LRRC4C: variants seen among roughly 807,000 people sequenced by gnomAD.
LRRC4C encodes the protein leucine rich repeat containing 4C.
LRRC4C carries 5 observed loss-of-function variants against 33.6 expected under a neutral mutation model. The ratio of observed to expected loss-of-function variants is 0.15; its 90% CI spans 0.08 to 0.31. The LOEUF is 0.31. Among genes scored for constraint, LRRC4C ranks in the 10% least tolerant of loss-of-function variants. LRRC4C has a pLI of 1.00. For synonymous variants in LRRC4C, 329 were observed against 302.0 expected, an observed-to-expected ratio of 1.09 and a Z score of -0.93; for missense variants, 560 against 796.7, an observed-to-expected ratio of 0.70 and a Z score of 3.58.
At chr11:40,990,126 A>C (rs1853408079) in intron 1 of LRRC4C, among the ~76,000 whole-genome samples, 1 of 150,228 alleles carries the variant, frequency 6.7e-6, no homozygotes. Context: ...TGTAATTTCT[A>C]GCTAGTCCAA....
At chr11:40,433,491 T>A (rs1951018098) in intron 3 of LRRC4C, among the ~76,000 whole-genome samples, 1 of 152,014 alleles carries the variant, frequency 6.6e-6, no homozygotes, top group Admixed American at 6.6e-5. Flanking sequence ...AATCTTAACT[T>A]TTTGATTTCC....
chr11:41,049,111 C>A (rs1858015403), intron 1 of LRRC4C, among the ~76,000 whole-genome samples: 2 of 152,112 alleles, frequency 1.3e-5, no homozygotes, highest in African/African-American at 2.4e-5. Context: ...ACCCAAATCT[C>A]ATCTTGAGTT....
At chr11:40,539,573 CA>C (rs1235426563) in intron 3 of LRRC4C, among the ~76,000 whole-genome samples, 2 of 151,642 alleles carry the variant, frequency 1.3e-5, no homozygotes, top group African/African-American at 2.4e-5. Context: ...TATACAAATT[CA>C]AAAGTACAAA....
intron 1 of LRRC4C, among the ~76,000 whole-genome samples, chr11:41,332,141 A>G (rs770440125): frequency 5.9e-5 from 9 of 152,138 alleles, no homozygotes; most frequent in Admixed American, 2.0e-4. Context: ...CTTAGTAAAT[A>G]TTTATTGAAT....
At chr11:40,191,378 T>C (rs567905451) in intron 5 of LRRC4C, among the ~76,000 whole-genome samples, 1 of 152,376 alleles carries the variant, frequency 6.6e-6, no homozygotes, top group South Asian at 2.1e-4. Flanking sequence ...CACACATTTA[T>C]CCTGCACTCT....
intron 6 of LRRC4C, among the ~76,000 whole-genome samples, chr11:40,131,788 C>G (rs1371014066): frequency 6.6e-6 from 1 of 152,120 alleles, no homozygotes; most frequent in African/African-American, 2.4e-5. Flanking sequence ...GCACTGATGA[C>G]AGTTAAAGTC....
intron 1 of LRRC4C, among the ~76,000 whole-genome samples, chr11:41,070,882 T>C (rs1488385551): frequency 6.6e-6 from 1 of 152,090 alleles, no homozygotes; most frequent in Admixed American, 6.5e-5. Context: ...TACCATTTGA[T>C]CCAGCAACCC....
chr11:41,280,525 T>C (rs1218525965), intron 1 of LRRC4C, among the ~76,000 whole-genome samples: 2 of 152,258 alleles, frequency 1.3e-5, no homozygotes, highest in Admixed American at 6.5e-5. Context: ...GCCCTGTGCC[T>C]GATGAAATAA....
intron 2 of LRRC4C, among the ~76,000 whole-genome samples, chr11:40,653,131 G>A (rs1293769619): frequency 6.6e-6 from 1 of 152,180 alleles, no homozygotes; most frequent in Non-Finnish European, 1.5e-5. Flanking sequence ...GTTCTTCATA[G>A]CAGGCTGAGA....
chr11:41,312,143 A>T (rs1650316460), intron 1 of LRRC4C, among the ~76,000 whole-genome samples: 1 of 152,098 alleles, frequency 6.6e-6, no homozygotes, highest in African/African-American at 2.4e-5. Context: ...GGAGAAAGAA[A>T]CCAGGAATTA....
At chr11:40,944,809 C>T (rs569123176) in intron 1 of LRRC4C, among the ~76,000 whole-genome samples, 3 of 152,258 alleles carry the variant, frequency 2.0e-5, no homozygotes, top group South Asian at 4.1e-4. Context: ...CATCTTGGCC[C>T]ATATATTAGC....
In LRRC4C at chr11:40,692,087, C is replaced by T. The variant is rs144971548; in HGVS notation, c.-406-43809G>A. On this transcript the variant is annotated intron_variant, in intron 2 of 6. Transcript: ENST00000528697. ...GAGTTTCCATGCAGGTGAGTTACAA[C>T]TTAATCCTCCCCATCTCATAAACCA... Among the ~76,000 whole-genome samples, 12 of 152,132 alleles carry T rather than the reference C, an allele frequency of 7.9e-5. No homozygotes were observed. The East Asian group carries it at 2.3e-3, about 29-fold the overall frequency.
intron 1 of LRRC4C, among the ~76,000 whole-genome samples, chr11:41,115,694 G>A (rs540993098): frequency 1.3e-5 from 2 of 151,934 alleles, no homozygotes; most frequent in Admixed American, 1.3e-4. Flanking sequence ...AGGCCCAATA[G>A]CTGAGATCCA....
At chr11:41,359,243 A>C (rs1952264482) in intron 1 of LRRC4C, among the ~76,000 whole-genome samples, 1 of 152,186 alleles carries the variant, frequency 6.6e-6, no homozygotes, top group Non-Finnish European at 1.5e-5. Context: ...GGTGAAAAAT[A>C]TTGTGTATGA....
chr11:40,392,805 CAA>C (rs1327438350), intron 3 of LRRC4C, among the ~76,000 whole-genome samples: 1 of 151,678 alleles, frequency 6.6e-6, no homozygotes, highest in Admixed American at 6.6e-5. Flanking sequence ...TAATGGGAGA[CAA>C]AAATAAATAA....
At chr11:41,085,794 A>T (rs893705649) in intron 1 of LRRC4C, among the ~76,000 whole-genome samples, 1 of 152,128 alleles carries the variant, frequency 6.6e-6, no homozygotes, top group African/African-American at 2.4e-5. Context: ...AGTACCAGAC[A>T]TGAAATTGAG....
At chr11:40,778,511 A>G (rs1429970968) in intron 2 of LRRC4C, among the ~76,000 whole-genome samples, 2 of 152,044 alleles carry the variant, frequency 1.3e-5, no homozygotes, top group Non-Finnish European at 2.9e-5. Flanking sequence ...TTGTGCTTTA[A>G]CCTCTATACT....
At chr11:40,928,864 C>G (rs1453932746) in intron 2 of LRRC4C, among the ~76,000 whole-genome samples, 2 of 152,010 alleles carry the variant, frequency 1.3e-5, no homozygotes, top group East Asian at 3.8e-4. Context: ...CTTAATTTCC[C>G]AAATACTTCA....
chr11:40,967,826 TTAA>T (rs1199817290), intron 1 of LRRC4C, among the ~76,000 whole-genome samples: 3 of 151,442 alleles, frequency 2.0e-5, no homozygotes, highest in Admixed American at 1.3e-4. Context: ...TTAAAATATT[TTAA>T]TAATATATGA....
Sources: gnomAD v4.1 joint callset for allele counts (sites outside exome capture counted in the v4.1 genomes callset) on GRCh38, gnomAD v4.1.1 for gene constraint, MANE v1.5 for transcripts, NCBI Gene and HGNC (gene_info 2026-07-23, HGNC 2026-07-21) for gene names.